Variants in MYOM1 observed in about 807,000 individuals in gnomAD.
The protein encoded by MYOM1 is myomesin 1.
MYOM1 carries 164 observed loss-of-function variants against 205.3 expected under a neutral mutation model. The ratio of observed to expected loss-of-function variants is 0.80; its 90% CI spans 0.70 to 0.91. MYOM1 has a LOEUF of 0.91. Ranked by LOEUF, MYOM1 falls within the 40% of genes least tolerant of loss-of-function variation. The pLI is 0.00. For synonymous variants in MYOM1, 772 were observed against 789.4 expected, an observed-to-expected ratio of 0.98 and a Z score of 0.37; for missense variants, 2,011 against 2,127.3, an observed-to-expected ratio of 0.95 and a Z score of 1.08.
chr18:3,128,443 G>A (rs1387657201), intron 18 of MYOM1, among the ~76,000 whole-genome samples: 1 of 152,106 alleles, frequency 6.6e-6, no homozygotes, highest in Non-Finnish European at 1.5e-5. Flanking sequence ...TTAGCCACAG[G>A]TACCAAATAT....
In MYOM1 at chr18:3,188,957, T is replaced by C; in HGVS notation, c.562A>G (p.Lys188Glu). 6.2e-7 allele frequency: 1 copy of C among 1,613,208 alleles called. No individual in the cohort carries two copies. Among genetic ancestry groups the C allele is most frequent in the African/African-American group, 1.3e-5 (1 of 74,728 alleles). The change falls in exon 4 of 38, where the codon AAG becomes GAG. Residue 188 changes from lysine to glutamate, a missense_variant. Coordinates refer to ENST00000356443, the MANE Select transcript of MYOM1 (RefSeq NM_003803.4). ...GACTGCTTAGATGCCGTGGTCTGCT[T>C]GGATGCCGTGGACTGTTTAGATGTT... is the stretch of plus-strand genomic sequence containing the variant. ...ITTSKQSTASKQTTASKQSTA... is the reference protein window; with the variant it reads ...ITTSKQSTASEQTTASKQSTA...
intron 10 of MYOM1, among the ~76,000 whole-genome samples, chr18:3,159,907 T>G (rs951588445): frequency 7.1e-6 from 1 of 140,278 alleles, no homozygotes; most frequent in African/African-American, 2.7e-5. Flanking sequence ...CCTTCCTTCC[T>G]TCCTTCCTTC....
At chr18:3,188,289 G>A (rs1046389536) in intron 4 of MYOM1, among the ~76,000 whole-genome samples, 5 of 151,798 alleles carry the variant, frequency 3.3e-5, no homozygotes, top group Non-Finnish European at 5.9e-5. Context: ...GTTTTCTTAC[G>A]TTTTGTTTCT....
At chr18:3,096,448 C>T (rs914345078) in intron 25 of MYOM1, among the ~76,000 whole-genome samples, 2 of 133,798 alleles carry the variant, frequency 1.5e-5, no homozygotes, top group East Asian at 2.2e-4. Flanking sequence ...ACCCTAGAAA[C>T]ACCATTTTTT....
At chr18:3,155,519 C>T (rs7227399) in intron 10 of MYOM1, among the ~76,000 whole-genome samples, 46,475 of 152,122 alleles carry the variant, frequency 0.31, 7,418 homozygotes, top group East Asian at 0.39. Context: ...CCATCACACC[C>T]GGCCAAATCT....
chr18:3,203,645 T>A (rs959507271), intron 2 of MYOM1, among the ~76,000 whole-genome samples: 6 of 151,610 alleles, frequency 4.0e-5, no homozygotes, highest in Admixed American at 3.3e-4. Flanking sequence ...ATTTAAAATT[T>A]TCCTACAACG....
At chr18:3,089,696 T>A in intron 27 of MYOM1, 100 bp from the exon 28 acceptor site, 1 of 841,734 alleles carries the variant, frequency 1.2e-6, no homozygotes, top group South Asian at 2.1e-5. Flanking sequence ...ATTGTAACAC[T>A]CATACATTGT....
chr18:3,137,666 G>C (rs999014685), intron 14 of MYOM1, among the ~76,000 whole-genome samples: 1 of 152,148 alleles, frequency 6.6e-6, no homozygotes, highest in Non-Finnish European at 1.5e-5. Flanking sequence ...GGCTGGGAAG[G>C]GTTGGGGGTG....
chr18:3,109,797 A>G (rs950913053), intron 22 of MYOM1, among the ~76,000 whole-genome samples: 2 of 152,032 alleles, frequency 1.3e-5, no homozygotes, highest in African/African-American at 4.8e-5. Flanking sequence ...TTTCTTTCCT[A>G]TTCTTTTCTA....
intron 22 of MYOM1, among the ~76,000 whole-genome samples, chr18:3,108,923 C>T (rs1271548785): frequency 6.6e-6 from 1 of 151,948 alleles, no homozygotes; most frequent in African/African-American, 2.4e-5. Context: ...TACAATATCA[C>T]AGAAAAAGCC....
chr18:3,148,351 T>C (rs1371273189), intron 13 of MYOM1, among the ~76,000 whole-genome samples: 1 of 152,220 alleles, frequency 6.6e-6, no homozygotes, highest in East Asian at 1.9e-4. Context: ...CACACCAACG[T>C]AGATAAGTCT....
intron 22 of MYOM1, among the ~76,000 whole-genome samples, chr18:3,106,016 A>T (rs1283613777): frequency 6.6e-6 from 1 of 152,232 alleles, no homozygotes; most frequent in Admixed American, 6.5e-5. Context: ...TGGGGAAAAA[A>T]CAATAAAAGT....
At chr18:3,105,794 G>A (rs2079444221) in intron 22 of MYOM1, among the ~76,000 whole-genome samples, 2 of 152,196 alleles carry the variant, frequency 1.3e-5, no homozygotes, top group Admixed American at 6.5e-5. Flanking sequence ...GACGGAGGTT[G>A]CAGTGAGCTG....
chr18:3,245,021 C>A, the MYOM1 span, among the ~76,000 whole-genome samples: 1 of 151,420 alleles, frequency 6.6e-6, no homozygotes, highest in Non-Finnish European at 1.5e-5. Context: ...GAGAAGGCGA[C>A]TGACTATCTG....
intron 36 of MYOM1, among the ~76,000 whole-genome samples, chr18:3,072,370 T>TTTTTTTTTTTTTTTTGTTG (rs768555182): frequency 8.6e-6 from 1 of 115,940 alleles, no homozygotes; most frequent in Non-Finnish European, 1.8e-5. Flanking sequence ...TTTTTTTTTT[T>TTTTTTTTTTTTTTTTGTTG]TGAGGCAGAG....
the MYOM1 span, among the ~76,000 whole-genome samples, chr18:3,233,186 A>T: frequency 6.6e-6 from 1 of 152,216 alleles, no homozygotes; most frequent in African/African-American, 2.4e-5. Flanking sequence ...ATGTACCACA[A>T]AAATTTATTT....
chr18:3,117,115 C>T (rs961048902), intron 20 of MYOM1, among the ~76,000 whole-genome samples: 12 of 152,170 alleles, frequency 7.9e-5, no homozygotes, highest in African/African-American at 2.9e-4. Context: ...CCTCAGCCTC[C>T]CAAAGTGTTG....
In MYOM1 at chr18:3,179,390, A is replaced by G. The variant is rs1033575146; in HGVS notation, c.930-3256T>C. Among the ~76,000 whole-genome samples the G allele has an allele frequency of 2.0e-5, 3 of 152,134 alleles. No individual in the cohort carries two copies. The highest frequency in any genetic ancestry group is 2.0e-4 in the Admixed American group (3 of 15,272). Reference sequence around the variant, plus strand: ...AAATAAATAGCGATGAGGTCTCACTATGTTGCTCAAGTTGGTCTCAAATTC... The same window carrying G: ...AAATAAATAGCGATGAGGTCTCACTGTGTTGCTCAAGTTGGTCTCAAATTC... On this transcript the variant is annotated intron_variant, in intron 5 of 37. Transcript: ENST00000356443. The surrounding 1 kb of genome is among the most constrained non-coding windows in gnomAD (Gnocchi z 4.4).
chr18:3,145,765 A>T (rs2080114137), intron 13 of MYOM1, among the ~76,000 whole-genome samples: 2 of 152,086 alleles, frequency 1.3e-5, no homozygotes, highest in Non-Finnish European at 2.9e-5. Context: ...AGAAAAAAGG[A>T]AATAATAAAG....
Sources: gnomAD v4.1 joint callset for allele counts (sites outside exome capture counted in the v4.1 genomes callset) on GRCh38, gnomAD v4.1.1 for gene constraint, Gnocchi (gnomAD v3.1) non-coding constraint, MANE v1.5 for transcripts, NCBI Gene and HGNC (gene_info 2026-07-23, HGNC 2026-07-21) for gene names.